Variants in WSB1 observed in about 807,000 individuals in gnomAD.
WSB1 encodes WD repeat and SOCS box-containing protein 1.
WSB1 carries 23 observed loss-of-function variants against 50.2 expected under a neutral mutation model. The observed-to-expected ratio is 0.46, with a 90% confidence interval of 0.33 to 0.65. The LOEUF is 0.65. Among genes scored for constraint, WSB1 ranks in the 30% least tolerant of loss-of-function variants. WSB1 has a pLI of 0.02. For synonymous variants in WSB1, 179 were observed against 172.0 expected, an observed-to-expected ratio of 1.04 and a Z score of -0.32; for missense variants, 492 against 522.3, an observed-to-expected ratio of 0.94 and a Z score of 0.56.
At chr17:27,304,721 A>G (rs2017376420) in intron 3 of WSB1, 59 bp from the exon 4 acceptor site, 1 of 1,552,456 alleles carries the variant, frequency 6.4e-7, no homozygotes, top group African/African-American at 1.4e-5. Flanking sequence ...CAAGAAAAAT[A>G]AGAACAAAAC....
rs1366079867 is a variant in WSB1, at chr17:27,307,389, TAAGTA to T, written c.711+512_711+516del. ...TTACATAGCATACCTATAGACAGCT[TAAGTA>T]AAGTGACTGTTAAGAGGGTTATGCT... is the stretch of plus-strand genomic sequence containing the variant. On this transcript the variant is annotated intron_variant, in intron 5 of 8. Coordinates refer to ENST00000262394, the MANE Select transcript of WSB1 (RefSeq NM_015626.10). 5 of 306,940 alleles carry T rather than the reference TAAGTA, an allele frequency of 1.6e-5. 1 individual carries two copies. The highest frequency in any genetic ancestry group is 9.0e-5 in the South Asian group (2 of 22,244). The allele number at this position is 306,940 out of a possible 1,614,324, so 19.0% of individuals were successfully genotyped here.
At position 27,312,316 on chromosome 17, in the gene WSB1, C is replaced by G; in HGVS notation, c.1213C>G (p.Gln405Glu). ...AAGAGTGATGCCCACCCAAGAAGTTCAGGAGCTGCCGATTCCTTCCAAGCT... is the reference window on the plus strand; with the variant it reads ...AAGAGTGATGCCCACCCAAGAAGTTGAGGAGCTGCCGATTCCTTCCAAGCT... The part of the protein sequence containing the change: ...IRRVMPTQEV[Q>E]ELPIPSKLLE... Residue 405 changes from glutamine to glutamate, a missense_variant, in exon 9 of 9, where the codon CAG becomes GAG. Transcript: ENST00000262394. 6.2e-7 allele frequency: 1 copy of G among 1,614,158 alleles called. No homozygotes were observed. The highest frequency in any genetic ancestry group is 8.5e-7 in the Non-Finnish European group (1 of 1,180,028).
chr17:27,310,211 T>A (rs1176001912), intron 7 of WSB1, 37 bp downstream of exon 7: 2 of 1,584,084 alleles, frequency 1.3e-6, no homozygotes, highest in African/African-American at 2.7e-5. Flanking sequence ...GACTTACTAT[T>A]ACCTTTTACA....
rs201952880 is a variant in WSB1 at position 27,310,140 on chromosome 17, G to A, written c.964G>A (p.Asp322Asn). The change falls in exon 7 of 9, where the codon GAT becomes AAT. Residue 322 changes from aspartate to asparagine, a missense_variant. By Grantham distance (23) the Asp-to-Asn change is conservative. Coordinates refer to ENST00000262394, the MANE Select transcript of WSB1 (RefSeq NM_015626.10). Reference sequence around the variant, plus strand: ...GGTACGATCTGTATCTTTTAGCCATGATGGACTGCATGTTGCAAGCCTTGC... The same window carrying A: ...GGTACGATCTGTATCTTTTAGCCATAATGGACTGCATGTTGCAAGCCTTGC... Reference protein sequence around the residue: ...RWVRSVSFSHDGLHVASLADD... With the variant: ...RWVRSVSFSHNGLHVASLADD... 409 of 1,614,048 alleles carry A rather than the reference G, an allele frequency of 2.5e-4. 4 individuals carry two copies. The East Asian group carries it at 9.0e-3, about 36-fold the overall frequency.
At chr17:27,301,586 C>G (rs1450588951) in intron 1 of WSB1, among the ~76,000 whole-genome samples, 2 of 152,108 alleles carry the variant, frequency 1.3e-5, no homozygotes, top group Non-Finnish European at 2.9e-5. Context: ...AGGGAAATCA[C>G]TTTATCAAAA....
In WSB1 at chr17:27,313,768, C is replaced by T. The variant is rs2017779286; in HGVS notation, c.*1399C>T. ...AAGAATGCAGGACTCAGGCGCTGCT[C>T]TAGAATTCATTCAGGGCTCCCCGAG... On this transcript the variant is annotated 3_prime_UTR_variant, in exon 9 of 9. Transcript: ENST00000262394. 6.6e-6 allele frequency: 1 copy of T among 152,270 alleles called. No individual in the cohort carries two copies. The highest frequency in any genetic ancestry group is 1.9e-4 in the East Asian group (1 of 5,180). The allele number at this position is 152,270 out of a possible 1,614,324, so 9.4% of individuals were successfully genotyped here.
chr17:27,304,934 G>A (rs754851764), intron 4 of WSB1, 23 bp downstream of exon 4: 69 of 1,612,780 alleles, frequency 4.3e-5, no homozygotes, highest in African/African-American at 5.3e-5. Context: ...TCCAAGCTAT[G>A]AACTAGGATT....
intron 5 of WSB1, 178 bp downstream of exon 5, chr17:27,307,060 C>G (rs1467813346): frequency 3.3e-6 from 2 of 614,706 alleles, no homozygotes; most frequent in Non-Finnish European, 5.5e-6. Flanking sequence ...TATTGATTGC[C>G]AAGTGAGAAG....
intron 3 of WSB1, among the ~76,000 whole-genome samples, chr17:27,304,049 A>G (rs756265717): frequency 6.6e-6 from 1 of 152,240 alleles, no homozygotes; most frequent in Non-Finnish European, 1.5e-5. Context: ...GAAAGTTTAG[A>G]TAGATTGAGA....
chr17:27,306,699 A>G, intron 4 of WSB1, 83 bp from the exon 5 acceptor site: 1 of 1,353,344 alleles, frequency 7.4e-7, no homozygotes, highest in African/African-American at 1.4e-5. Context: ...AATGTTTGTG[A>G]TCCTTTGCTT....
Position 27,301,946 on chromosome 17 carries a change from C to G in WSB1, c.199C>G (p.Leu67Val), listed in dbSNP as rs768238073. ...AAAGCTTGTTCCGTGGTCCCAGTGC[C>G]TTCAGAACTTGTAAGACTGTTACTT... ...TVKLVPWSQC[L>V]QNFLLHGTKN... is the part of the protein sequence containing the mutation. Residue 67 changes from leucine to valine, a missense_variant, in exon 2 of 9, where the codon CTT (leucine) becomes GTT (valine). Physicochemically the swap from Leu to Val is conservative, Grantham distance 32. Coordinates refer to ENST00000262394, the MANE Select transcript of WSB1 (RefSeq NM_015626.10). The G allele has an allele frequency of 5.1e-6, 8 of 1,574,658 alleles. No homozygotes were observed. Among genetic ancestry groups the G allele is most frequent in the Non-Finnish European group, 6.9e-6 (8 of 1,165,478 alleles).
chr17:27,297,259 G>C (rs935739868), intron 1 of WSB1: 1 of 152,002 alleles, frequency 6.6e-6, no homozygotes, highest in Admixed American at 6.6e-5. Context: ...TCCACCTCTC[G>C]GGATCAAGCA....
chr17:27,312,349 T>G lies in WSB1; in HGVS notation c.1246T>G (p.Phe416Val). The G allele has an allele frequency of 6.2e-7, 1 of 1,614,082 alleles. No homozygotes were observed. Among genetic ancestry groups the G allele is most frequent in the Non-Finnish European group, 8.5e-7 (1 of 1,180,004 alleles). The part of the protein sequence containing the change: ...ELPIPSKLLE[F>V]LSYRI ...GCCGATTCCTTCCAAGCTTTTGGAG[T>G]TTCTCTCGTATCGTATTTAGAAGAT... The change falls in exon 9 of 9, where the codon TTT (phenylalanine) becomes GTT (valine). Residue 416 changes from phenylalanine (F) to valine (V), a missense_variant. Phe to Val is a conservative substitution (Grantham distance 50). Coordinates refer to ENST00000262394, the MANE Select transcript of WSB1 (RefSeq NM_015626.10).
chr17:27,308,695 T>C, intron 5 of WSB1: 1 of 987,118 alleles, frequency 1.0e-6, no homozygotes, highest in Non-Finnish European at 1.2e-6. Context: ...TTACGTTTTC[T>C]GTCTGTATAT....
intron 5 of WSB1, chr17:27,307,804 CA>C: frequency 6.5e-7 from 1 of 1,530,698 alleles, no homozygotes; most frequent in Non-Finnish European, 8.7e-7. Flanking sequence ...CACAGGCGCA[CA>C]ATGGTGTTAG....
chr17:27,295,824 T>C (rs1324253391), intron 1 of WSB1, among the ~76,000 whole-genome samples: 1 of 150,472 alleles, frequency 6.6e-6, no homozygotes, highest in Non-Finnish European at 1.5e-5. Context: ...AACTTTGCGG[T>C]CCTGTTTTCT....
intron 7 of WSB1, 123 bp from the exon 8 acceptor site, chr17:27,311,386 C>A: frequency 1.6e-6 from 1 of 608,028 alleles, no homozygotes; most frequent in Non-Finnish European, 2.8e-6. Context: ...ATTATAATTG[C>A]CTGTTGGTGT....
intron 4 of WSB1, 87 bp from the exon 5 acceptor site, chr17:27,306,695 T>G: frequency 7.6e-7 from 1 of 1,314,212 alleles, no homozygotes; most frequent in Non-Finnish European, 1.1e-6. Flanking sequence ...TATAAATGTT[T>G]GTGATCCTTT....
Position 27,312,496 on chromosome 17 carries a change from C to CAACTTACAAAATT in WSB1, c.*127_*128insAACTTACAAAATT. 8.0e-7 allele frequency: 1 copy of CAACTTACAAAATT among 1,248,344 alleles called. No homozygotes were observed. The highest frequency in any genetic ancestry group is 1.1e-6 in the Non-Finnish European group (1 of 897,306). 77.3% of individuals were successfully genotyped at this position (1,248,344 alleles called of 1,614,324 possible). A position where few individuals can be genotyped will look rare whatever the true frequency, so the allele number is the denominator to read the frequency against. On this transcript the variant is annotated 3_prime_UTR_variant, in exon 9 of 9. Transcript: ENST00000262394. ...TTATTTAATTTGATATGTTCTTGTA[C>CAACTTACAAAATT]TGCATTTTGATCAGTTGAGCTTTTA...
Sources: gnomAD v4.1 joint callset for allele counts (sites outside exome capture counted in the v4.1 genomes callset) on GRCh38, gnomAD v4.1.1 for gene constraint, MANE v1.5 for transcripts, NCBI Gene and HGNC (gene_info 2026-07-23, HGNC 2026-07-21) for gene names.